The following SHISA6 variants were observed in gnomAD, a reference collection of about 807,000 sequenced individuals.
SHISA6 encodes protein shisa-6.
Under a neutral mutation model 47.9 loss-of-function variants are expected in SHISA6, and 22 were observed. That is an observed-to-expected ratio of 0.46 (90% CI 0.33 to 0.66). The LOEUF (loss-of-function observed/expected upper bound fraction) is 0.66. Ranked by LOEUF, SHISA6 falls within the 30% of genes least tolerant of loss-of-function variation. The pLI is 0.02. For missense variants in SHISA6, 680 were observed against 764.6 expected (o/e 0.89, Z 1.30); for synonymous variants, 388 against 337.8 (o/e 1.15, Z -1.63).
At chr17:11,392,532 T>G (rs1359110862) in intron 3 of SHISA6, among the ~76,000 whole-genome samples, 4 of 152,208 alleles carry the variant, frequency 2.6e-5, no homozygotes, top group Non-Finnish European at 5.9e-5. Context: ...TCTGTTGCCA[T>G]GTGATCTCCA....
At chr17:11,364,986 A>G (rs1265931575) in intron 2 of SHISA6, among the ~76,000 whole-genome samples, 2 of 152,170 alleles carry the variant, frequency 1.3e-5, no homozygotes, top group Non-Finnish European at 2.9e-5. Context: ...TCTTCTATTC[A>G]TGAGGTAAGT....
intron 3 of SHISA6, among the ~76,000 whole-genome samples, chr17:11,541,241 T>G (rs1035862820): frequency 6.6e-5 from 10 of 152,184 alleles, no homozygotes; most frequent in African/African-American, 2.4e-4. Flanking sequence ...ATGCTGACAC[T>G]CCATCCCTTA....
rs9910521 is a variant in SHISA6, at chr17:11,562,403, G to A, written c.*4099G>A. On this transcript the variant is annotated 3_prime_UTR_variant, in exon 6 of 6. Coordinates refer to ENST00000441885, the MANE Select transcript of SHISA6 (RefSeq NM_207386.4). ...ACATACATTTCCTGTCATCCTGTCCGAATCTGGGAAATTTTGCTCTGGAGT... is the reference window on the plus strand; with the variant it reads ...ACATACATTTCCTGTCATCCTGTCCAAATCTGGGAAATTTTGCTCTGGAGT... 0.18 allele frequency: 27,581 copies of A among 151,956 alleles called. 3,536 individuals are homozygous for A. The highest frequency in any genetic ancestry group is 0.37 in the African/African-American group (15,156 of 41,410). The allele number at this position is 151,956 out of a possible 1,614,324, so 9.4% of individuals were successfully genotyped here.
intron 3 of SHISA6, among the ~76,000 whole-genome samples, chr17:11,535,182 G>A (rs924805732): frequency 6.6e-6 from 1 of 152,092 alleles, no homozygotes; most frequent in Non-Finnish European, 1.5e-5. Context: ...GTGCAGGAAA[G>A]CAGGTATAAG....
At position 11,372,533 on chromosome 17, in the gene SHISA6, C is replaced by T. The variant is rs148338619; in HGVS notation, c.800-6881C>T. Among the ~76,000 whole-genome samples the T allele has an allele frequency of 3.6e-3, 543 of 151,710 alleles. 6 individuals carry two copies. Among genetic ancestry groups the T allele is most frequent in the Admixed American group, 0.026 (401 of 15,232 alleles). On this transcript the variant is annotated intron_variant, in intron 2 of 5. Transcript: ENST00000441885. Reference sequence around the variant, plus strand: ...TTAGCCTTTTAAAACATTTTCTTTCCGTGTGTAGTGGGGTACTACCTATTG... The same window carrying T: ...TTAGCCTTTTAAAACATTTTCTTTCTGTGTGTAGTGGGGTACTACCTATTG...
intron 2 of SHISA6, among the ~76,000 whole-genome samples, chr17:11,326,431 A>G (rs769123845): frequency 1.3e-5 from 2 of 152,144 alleles, no homozygotes; most frequent in Non-Finnish European, 2.9e-5. Flanking sequence ...TGTGTGTTGT[A>G]GTATTGCAGG....
chr17:11,342,830 G>A lies in SHISA6; in HGVS notation c.800-36584G>A, dbSNP rs868742835. 9.2e-5 allele frequency among the ~76,000 whole-genome samples: 14 copies of A among 152,290 alleles called. No individual in the cohort carries two copies. The South Asian group carries it at 2.9e-3, about 32-fold the overall frequency. On this transcript the variant is annotated intron_variant, in intron 2 of 5. Transcript: ENST00000441885. ...GCAGAGACAGTCCTGTTGTGATGTT[G>A]GTTCTGAGATATCCTTACCCACTTC...
intron 2 of SHISA6, among the ~76,000 whole-genome samples, chr17:11,305,442 G>T (rs1910077972): frequency 6.6e-6 from 1 of 152,234 alleles, no homozygotes; most frequent in Non-Finnish European, 1.5e-5. Flanking sequence ...GTGTCCTGGA[G>T]AGCCCCTGAA....
intron 3 of SHISA6, among the ~76,000 whole-genome samples, chr17:11,491,536 T>G (rs1355145558): frequency 6.6e-6 from 1 of 152,000 alleles, no homozygotes; most frequent in African/African-American, 2.4e-5. Context: ...ACTCCTGGCC[T>G]CAAGCCATCC....
At chr17:11,503,696 T>C (rs562210338) in intron 3 of SHISA6, among the ~76,000 whole-genome samples, 2 of 152,354 alleles carry the variant, frequency 1.3e-5, no homozygotes, top group Non-Finnish European at 2.9e-5. Context: ...TGTATATTGT[T>C]GTCGTCAAAT....
chr17:11,526,676 G>A (rs2071684951), intron 3 of SHISA6, among the ~76,000 whole-genome samples: 1 of 152,018 alleles, frequency 6.6e-6, no homozygotes, highest in African/African-American at 2.4e-5. Context: ...ATACAGCTGA[G>A]TTTTAAAAAC....
At chr17:11,350,019 G>A (rs113594696) in intron 2 of SHISA6, among the ~76,000 whole-genome samples, 50 of 151,602 alleles carry the variant, frequency 3.3e-4, no homozygotes, top group African/African-American at 1.2e-3. Context: ...TTCTTTGTGG[G>A]TGGCTTTCTG....
chr17:11,414,008 C>T (rs1914209815), intron 3 of SHISA6, among the ~76,000 whole-genome samples: 1 of 150,930 alleles, frequency 6.6e-6, no homozygotes, highest in African/African-American at 2.4e-5. Flanking sequence ...CTTTCTCTTC[C>T]TTCCTTCCCT....
chr17:11,262,263 G>A (rs1252775233), intron 1 of SHISA6, among the ~76,000 whole-genome samples: 2 of 152,212 alleles, frequency 1.3e-5, no homozygotes, highest in East Asian at 3.9e-4. Context: ...GTTGGAGCTG[G>A]ACTCCTGGTA....
In SHISA6 at chr17:11,242,072, G is replaced by A. The variant is rs1304436384; in HGVS notation, c.638+12G>A. 1 of 1,549,216 alleles carries A rather than the reference G, an allele frequency of 6.5e-7. No individual in the cohort carries two copies. Among genetic ancestry groups the A allele is most frequent in the Non-Finnish European group, 8.7e-7 (1 of 1,146,976 alleles). ...ATGAACATCCACAGGTGAGAGCGCC[G>A]CGTGCCGCGCGCCCCGGTCTCCCCG... is the stretch of plus-strand genomic sequence containing the variant. On this transcript the variant is annotated intron_variant, in intron 1 of 5. Transcript: ENST00000441885.
chr17:11,457,703 T>TGCACTCC (rs1427677775), intron 3 of SHISA6, among the ~76,000 whole-genome samples: 1 of 145,508 alleles, frequency 6.9e-6, no homozygotes, highest in African/African-American at 2.6e-5. Flanking sequence ...ACCACGCCAT[T>TGCACTCC]GCACTCCAGT....
intron 2 of SHISA6, among the ~76,000 whole-genome samples, chr17:11,321,136 G>A (rs888101592): frequency 6.6e-6 from 1 of 152,148 alleles, no homozygotes; most frequent in Non-Finnish European, 1.5e-5. Flanking sequence ...CATTGTATTG[G>A]CCTTGATCCT....
At chr17:11,497,563 G>C (rs1042071745) in intron 3 of SHISA6, among the ~76,000 whole-genome samples, 8 of 152,196 alleles carry the variant, frequency 5.3e-5, no homozygotes, top group African/African-American at 1.4e-4. Flanking sequence ...ACAGCAATGA[G>C]AAATGCCACT....
intron 3 of SHISA6, among the ~76,000 whole-genome samples, chr17:11,417,296 C>T (rs1445065757): frequency 6.6e-6 from 1 of 152,016 alleles, no homozygotes; most frequent in Admixed American, 6.6e-5. Flanking sequence ...AAATTACCAC[C>T]AAGAAATGGT....
Sources: gnomAD v4.1 joint callset for allele counts (sites outside exome capture counted in the v4.1 genomes callset) on GRCh38, gnomAD v4.1.1 for gene constraint, MANE v1.5 for transcripts, NCBI Gene and HGNC (gene_info 2026-07-23, HGNC 2026-07-21) for gene names.